Variants in MAP1B observed in about 807,000 individuals in gnomAD.
The protein encoded by MAP1B is microtubule associated protein 1B, also known as microtubule-associated protein 1B.
A neutral mutation model predicts 176.1 loss-of-function variants in MAP1B; 12 were observed. That is an observed-to-expected ratio of 0.07 (90% CI 0.04 to 0.11). The LOEUF is 0.11. Ranked by LOEUF, MAP1B falls within the 10% of genes least tolerant of loss-of-function variation. The pLI, the probability that MAP1B is intolerant of heterozygous loss-of-function variation, is 1.00. For missense variants in MAP1B, 2,523 were observed against 2,990.5 expected (o/e 0.84, Z 3.65); for synonymous variants, 1,044 against 1,135.0 (o/e 0.92, Z 1.61).
At chr5:72,205,009 C>G (rs1019982962) in intron 6 of MAP1B, 75 bp from the exon 7 acceptor site, 1 of 1,212,970 alleles carries the variant, frequency 8.2e-7, no homozygotes, top group Non-Finnish European at 1.2e-6. Context: ...TGGTCTAATA[C>G]CTTGCTATTC....
chr5:72,123,183 A>G (rs114225041), intron 2 of MAP1B, among the ~76,000 whole-genome samples: 3,054 of 152,324 alleles, frequency 0.02, 68 homozygotes, highest in African/African-American at 0.057. Context: ...ACTGTAAGGG[A>G]ATATTTGGAA....
intron 2 of MAP1B, among the ~76,000 whole-genome samples, chr5:72,123,747 G>A (rs1475984368): frequency 1.3e-5 from 2 of 152,100 alleles, no homozygotes; most frequent in African/African-American, 2.4e-5. Context: ...GCCTCCCAAA[G>A]TGCTGGGATT....
At chr5:72,163,912 CTCTCTTTT>C (rs1445730413) in intron 2 of MAP1B, among the ~76,000 whole-genome samples, 1 of 127,604 alleles carries the variant, frequency 7.8e-6, no homozygotes, top group Non-Finnish European at 1.6e-5. Context: ...CTTTCTCTCT[CTCTCTTTT>C]TTTTTTTTTC....
intron 2 of MAP1B, among the ~76,000 whole-genome samples, chr5:72,157,152 A>G (rs1746242890): frequency 6.6e-6 from 1 of 152,218 alleles, no homozygotes; most frequent in South Asian, 2.1e-4. Context: ...TTTAATTGTA[A>G]CCGTATGCAA....
At chr5:72,138,976 A>G (rs991188434) in intron 2 of MAP1B, among the ~76,000 whole-genome samples, 1 of 152,162 alleles carries the variant, frequency 6.6e-6, no homozygotes, top group Non-Finnish European at 1.5e-5. Context: ...ACACATTTTC[A>G]AAAATGGTAA....
chr5:72,123,633 C>T (rs1034025829), intron 2 of MAP1B, among the ~76,000 whole-genome samples: 2 of 151,982 alleles, frequency 1.3e-5, no homozygotes, highest in Non-Finnish European at 2.9e-5. Context: ...TACAGGCGCC[C>T]GCCACGACGC....
rs1239629241 is a variant in MAP1B at position 72,199,962 on chromosome 5, G to C, written c.6607G>C (p.Ala2203Pro). The change falls in exon 5 of 7, where the codon GCT becomes CCT. Residue 2203 changes from alanine (A) to proline (P), a missense_variant. Physicochemically the swap from Ala to Pro is conservative, Grantham distance 27 (BLOSUM62 -1). Transcript: ENST00000296755. This position sits in a 1 kb window ranked among gnomAD's most constrained non-coding sequence, Gnocchi z 4.2. ...GTACAAACACATGGACCCACCTCCA[G>C]CTCCCGTGCAAGACCGCAGCCCTTC... is the stretch of plus-strand genomic sequence containing the variant. Reference protein sequence around the residue: ...VTYKHMDPPPAPVQDRSPSPR... With the variant: ...VTYKHMDPPPPPVQDRSPSPR... The C allele has an allele frequency of 3.1e-6, 5 of 1,614,032 alleles. No individual in the cohort carries two copies. Among genetic ancestry groups the C allele is most frequent in the Non-Finnish European group, 4.2e-6 (5 of 1,180,040 alleles).
chr5:72,185,564 G>A (rs1561310330), intron 3 of MAP1B, among the ~76,000 whole-genome samples: 1 of 148,880 alleles, frequency 6.7e-6, no homozygotes, highest in Non-Finnish European at 1.5e-5. Context: ...ACTGCACACT[G>A]CACTCCAGCC....
Position 72,197,679 on chromosome 5 carries a change from G to A in MAP1B, c.4324G>A (p.Val1442Ile). 1.2e-6 allele frequency: 2 copies of A among 1,614,128 alleles called. No individual in the cohort carries two copies. Among genetic ancestry groups the A allele is most frequent in the Non-Finnish European group, 1.7e-6 (2 of 1,180,030 alleles). Reference protein sequence around the residue: ...KSGKQGSPDQVSPVSEMTSTS... With the variant: ...KSGKQGSPDQISPVSEMTSTS... The stretch of plus-strand genomic sequence containing the variant: ...TGGAAAACAAGGCTCTCCAGACCAA[G>A]TAAGTCCAGTTTCTGAAATGACTTC... Residue 1442 changes from valine (V) to isoleucine (I), a missense_variant, in exon 5 of 7, where the codon GTA becomes ATA. Physicochemically the swap from Val to Ile is conservative, Grantham distance 29. Coordinates refer to ENST00000296755, the MANE Select transcript of MAP1B (RefSeq NM_005909.5).
chr5:72,189,124 A>T (rs1746971823), intron 4 of MAP1B, among the ~76,000 whole-genome samples: 1 of 152,218 alleles, frequency 6.6e-6, no homozygotes, highest in Non-Finnish European at 1.5e-5. Context: ...AACAAAAATG[A>T]TACTTTTTAA....
chr5:72,133,092 G>A (rs749131591), intron 2 of MAP1B, among the ~76,000 whole-genome samples: 50 of 152,200 alleles, frequency 3.3e-4, no homozygotes, highest in African/African-American at 1.1e-3. Flanking sequence ...TGCATCTGGC[G>A]TGGGATGCTA....
In MAP1B at chr5:72,200,194, C is replaced by G. The variant is rs755748937; in HGVS notation, c.6839C>G (p.Ser2280Cys). 6.2e-7 allele frequency: 1 copy of G among 1,614,202 alleles called. No individual in the cohort carries two copies. The highest frequency in any genetic ancestry group is 2.2e-5 in the East Asian group (1 of 44,886). Residue 2280 changes from serine (S) to cysteine (C), a missense_variant, in exon 5 of 7, where the codon TCC becomes TGC. Around this residue, in one of 4 missense-constraint regions of MAP1B, gnomAD observed 287 missense variants for 401.5 expected, o/e 0.71. Transcript: ENST00000296755. ...CCAAAACCAGCGGGCTTGAAAGAAT[C>G]CTCGGATAAAGTGTCCAGGGTGGCT... ...ASPKPAGLKESSDKVSRVASP... is the reference protein window; with the variant it reads ...ASPKPAGLKECSDKVSRVASP...
intron 2 of MAP1B, among the ~76,000 whole-genome samples, chr5:72,156,485 TG>T (rs1168325172): frequency 3.9e-5 from 6 of 152,226 alleles, no homozygotes; most frequent in African/African-American, 1.4e-4. Context: ...AGCTATGGTG[TG>T]CAAACTGAGC....
intron 2 of MAP1B, among the ~76,000 whole-genome samples, chr5:72,126,717 C>T (rs549637724): frequency 6.6e-6 from 1 of 152,294 alleles, no homozygotes; most frequent in South Asian, 2.1e-4. Context: ...TTTAAAATAT[C>T]AATGAAAGAA....
At chr5:72,142,654 GA>G (rs1677563079) in intron 2 of MAP1B, among the ~76,000 whole-genome samples, 1 of 149,600 alleles carries the variant, frequency 6.7e-6, no homozygotes, top group Non-Finnish European at 1.5e-5. Flanking sequence ...TGAAATAAAA[GA>G]AAAAAGGGAT....
Position 72,205,235 on chromosome 5 carries a change from T to C in MAP1B, c.7403T>C (p.Leu2468Pro), listed in dbSNP as rs761269615. The C allele has an allele frequency of 1.2e-6, 2 of 1,609,718 alleles. No homozygotes were observed. Among genetic ancestry groups the C allele is most frequent in the East Asian group, 2.2e-5 (1 of 44,860 alleles). Residue 2468 changes from leucine (L) to proline (P), a missense_variant, in exon 7 of 7, where the codon CTG (leucine) becomes CCG (proline). By Grantham distance (98) the Leu-to-Pro change is moderately conservative. Around this residue, in one of 4 missense-constraint regions of MAP1B, gnomAD observed 4 missense variants for 24.6 expected, o/e 0.16. Coordinates refer to ENST00000296755, the MANE Select transcript of MAP1B (RefSeq NM_005909.5). ...DESFPACKIE[L>P] ...TCCTTCCCTGCATGCAAGATTGAAC[T>C]GTAAAAACCAAGGCCAGCCACACCA... is the stretch of plus-strand genomic sequence containing the variant.
chr5:72,169,213 C>G (rs542815894), intron 2 of MAP1B, among the ~76,000 whole-genome samples: 7 of 152,246 alleles, frequency 4.6e-5, no homozygotes, highest in South Asian at 4.1e-4. Context: ...AGGCAAAATC[C>G]AATGCGCGTG....
chr5:72,119,789 G>GCCT (rs1393543572), intron 2 of MAP1B, among the ~76,000 whole-genome samples: 3 of 152,178 alleles, frequency 2.0e-5, no homozygotes, highest in African/African-American at 4.8e-5. Context: ...TTATAGGTGT[G>GCCT]AGCCACTGTG....
chr5:72,172,192 T>C (rs1746555304), intron 2 of MAP1B, among the ~76,000 whole-genome samples: 1 of 152,204 alleles, frequency 6.6e-6, no homozygotes, highest in African/African-American at 2.4e-5. Flanking sequence ...AACCTCATCC[T>C]TTTTGGTCAG....
Sources: allele counts gnomAD v4.1 joint callset (sites outside exome capture counted in the v4.1 genomes callset), GRCh38; gene constraint gnomAD v4.1.1; regional missense constraint gnomAD v4.1.1; non-coding constraint Gnocchi (gnomAD v3.1); transcripts MANE v1.5; gene names NCBI Gene and HGNC (gene_info 2026-07-23, HGNC 2026-07-21).